Variants in CSNK1G3 observed in about 807,000 individuals in gnomAD.
CSNK1G3 encodes casein kinase I isoform gamma-3.
In CSNK1G3, 23 loss-of-function variants were observed where a neutral mutation model predicts 64.3. The ratio of observed to expected loss-of-function variants is 0.36; its 90% CI spans 0.26 to 0.51. The LOEUF is 0.51. Among genes scored for constraint, CSNK1G3 ranks in the 20% least tolerant of loss-of-function variants. CSNK1G3 has a pLI of 0.96. For missense variants in CSNK1G3, 357 were observed against 510.5 expected, an observed-to-expected ratio of 0.70 and a Z score of 2.90; for synonymous variants, 158 against 162.2, an observed-to-expected ratio of 0.97 and a Z score of 0.20.
intron 4 of CSNK1G3, among the ~76,000 whole-genome samples, chr5:123,570,379 A>G (rs1167046129): frequency 2.9e-5 from 4 of 138,042 alleles, no homozygotes; most frequent in Admixed American, 7.6e-5. Flanking sequence ...TTTGAAACAG[A>G]GTCTTGCTGT....
At chr5:123,601,205 T>G (rs1794437781) in intron 10 of CSNK1G3, among the ~76,000 whole-genome samples, 1 of 152,178 alleles carries the variant, frequency 6.6e-6, no homozygotes, top group South Asian at 2.1e-4. Flanking sequence ...TTTGATTGTT[T>G]TAGCCTTCCA....
In CSNK1G3 at chr5:123,559,994, T is replaced by C. The variant is rs139867042; in HGVS notation, c.289+2430T>C. Among the ~76,000 whole-genome samples the C allele has an allele frequency of 7.8e-3, 1,185 of 152,152 alleles. 10 individuals are homozygous for C. The highest frequency in any genetic ancestry group is 0.013 in the Non-Finnish European group (898 of 68,008). On this transcript the variant is annotated intron_variant, in intron 4 of 12. Transcript: ENST00000345990. ...TAAAAATAGATATATTTAAGTAATATCCAGCATATATAAAGAACTTCTAAA... is the reference window on the plus strand; with the variant it reads ...TAAAAATAGATATATTTAAGTAATACCCAGCATATATAAAGAACTTCTAAA...
At chr5:123,533,815 TTTTTTTA>T (rs1218614736) in intron 1 of CSNK1G3, among the ~76,000 whole-genome samples, 13 of 151,750 alleles carry the variant, frequency 8.6e-5, no homozygotes, top group East Asian at 3.8e-4. Context: ...GGTTTTTTCT[TTTTTTTA>T]TTTTTTATTT....
In CSNK1G3 at chr5:123,560,059, CA is replaced by C. The variant is rs139625376; in HGVS notation, c.289+2498del. ...ATAGACAACCCAATTGAAAAATGGA[CA>C]AAGGACTTGAATAGACAAATCTCCA... On this transcript the variant is annotated intron_variant, in intron 4 of 12. Transcript: ENST00000345990. 3.8e-3 allele frequency among the ~76,000 whole-genome samples: 574 copies of C among 152,006 alleles called. 3 individuals carry two copies. The highest frequency in any genetic ancestry group is 0.013 in the African/African-American group (527 of 41,458).
At chr5:123,557,905 T>C (rs894844275) in intron 4 of CSNK1G3, among the ~76,000 whole-genome samples, 5 of 152,164 alleles carry the variant, frequency 3.3e-5, no homozygotes, top group African/African-American at 1.2e-4. Flanking sequence ...CACATAGAAG[T>C]TATCTGTATC....
intron 1 of CSNK1G3, among the ~76,000 whole-genome samples, chr5:123,521,922 T>C (rs1045738054): frequency 1.1e-4 from 17 of 152,110 alleles, no homozygotes; most frequent in African/African-American, 4.1e-4. Flanking sequence ...AAATAATCAG[T>C]AGGGCCTGGA....
chr5:123,566,952 G>C (rs578014364), intron 4 of CSNK1G3, among the ~76,000 whole-genome samples: 3 of 151,912 alleles, frequency 2.0e-5, no homozygotes, highest in African/African-American at 4.8e-5. Context: ...GATTGTATTC[G>C]TCCGTTTTCT....
At chr5:123,554,972 A>ACAAGTT (rs1784363350) in intron 3 of CSNK1G3, among the ~76,000 whole-genome samples, 1 of 152,236 alleles carries the variant, frequency 6.6e-6, no homozygotes, top group South Asian at 2.1e-4. Flanking sequence ...ACTTGTTCAT[A>ACAAGTT]CCATTGATGC....
At chr5:123,584,984 A>G (rs1791038807) in intron 6 of CSNK1G3, among the ~76,000 whole-genome samples, 1 of 152,112 alleles carries the variant, frequency 6.6e-6, no homozygotes, top group Non-Finnish European at 1.5e-5. Context: ...AGGATTAATG[A>G]TTTTATTGAA....
chr5:123,556,979 A>G (rs920394663), intron 3 of CSNK1G3, among the ~76,000 whole-genome samples: 12 of 152,148 alleles, frequency 7.9e-5, no homozygotes, highest in African/African-American at 2.4e-5. Flanking sequence ...ATAGGGATAT[A>G]TGGAGTTAAT....
At chr5:123,549,828 A>G (rs545452435) in intron 2 of CSNK1G3, among the ~76,000 whole-genome samples, 16 of 152,354 alleles carry the variant, frequency 1.1e-4, no homozygotes, top group African/African-American at 3.6e-4. Flanking sequence ...AGAGCACAGA[A>G]GAGAATATTA....
intron 6 of CSNK1G3, among the ~76,000 whole-genome samples, chr5:123,584,514 A>G (rs1334271997): frequency 2.0e-5 from 3 of 151,966 alleles, no homozygotes; most frequent in African/African-American, 4.8e-5. Context: ...TTACTTAGTC[A>G]TGAGGTATTA....
chr5:123,586,940 A>G (rs1791436065), intron 6 of CSNK1G3, among the ~76,000 whole-genome samples: 1 of 152,178 alleles, frequency 6.6e-6, no homozygotes, highest in African/African-American at 2.4e-5. Flanking sequence ...GTGGCAGGCA[A>G]AGAGAGCTTG....
intron 4 of CSNK1G3, among the ~76,000 whole-genome samples, chr5:123,570,417 G>C (rs1314317919): frequency 1.4e-5 from 2 of 147,674 alleles, no homozygotes; most frequent in South Asian, 2.1e-4. Flanking sequence ...GCAGTGGCGC[G>C]ATCTTGGCTC....
chr5:123,600,917 T>TTA (rs1554083351), intron 10 of CSNK1G3, among the ~76,000 whole-genome samples: 49 of 151,232 alleles, frequency 3.2e-4, no homozygotes, highest in African/African-American at 1.0e-3. Flanking sequence ...TTTTTTTTTT[T>TTA]ATCTTCTTAA....
chr5:123,563,343 G>A (rs963729758), intron 4 of CSNK1G3, among the ~76,000 whole-genome samples: 12 of 151,910 alleles, frequency 7.9e-5, no homozygotes, highest in African/African-American at 2.4e-4. Context: ...GTAGCCACAG[G>A]TGCTGTTACT....
At chr5:123,613,554 G>A (rs1748895958) in intron 12 of CSNK1G3, among the ~76,000 whole-genome samples, 1 of 151,674 alleles carries the variant, frequency 6.6e-6, no homozygotes, top group Admixed American at 6.6e-5. Flanking sequence ...TTTAGAGATG[G>A]GGTCTTGCTG....
intron 1 of CSNK1G3, among the ~76,000 whole-genome samples, chr5:123,539,585 T>C (rs75529433): frequency 0.096 from 14,643 of 152,182 alleles, 744 homozygotes; most frequent in South Asian, 0.12. Flanking sequence ...ACATATTTGC[T>C]TATGTTGTGA....
exon 13 of CSNK1G3, chr5:123,614,942 T>C (rs1451593285): frequency 4.6e-5 from 7 of 152,702 alleles, no homozygotes; most frequent in Admixed American, 4.6e-4. Context: ...ATAAGTCATA[T>C]TAACATTCTC....
Sources: gnomAD v4.1 joint callset for allele counts (sites outside exome capture counted in the v4.1 genomes callset) on GRCh38, gnomAD v4.1.1 for gene constraint, MANE v1.5 for transcripts, NCBI Gene and HGNC (gene_info 2026-07-23, HGNC 2026-07-21) for gene names.